OR1B1: variants seen among roughly 807,000 people sequenced by gnomAD.
The protein encoded by OR1B1 is olfactory receptor 1B1.
For missense variants in OR1B1, 414 were observed against 402.1 expected (o/e 1.03, Z -0.25); for synonymous variants, 168 against 156.2 (o/e 1.08, Z -0.57).
chr9:122,640,645 C>A, the OR1B1 span, among the ~76,000 whole-genome samples: 1 of 152,156 alleles, frequency 6.6e-6, no homozygotes, highest in Non-Finnish European at 1.5e-5. Flanking sequence ...AGACTGTTTT[C>A]TCACAAAGCA....
At chr9:122,628,915 AAAG>A in exon 1 of OR1B1, 1 of 1,614,152 alleles carries the variant, frequency 6.2e-7, no homozygotes, top group Non-Finnish European at 8.5e-7. Flanking sequence ...AGCCACCCTC[AAAG>A]AATATGGCCA....
chr9:122,653,232 G>C, the OR1B1 span, among the ~76,000 whole-genome samples: 1 of 152,180 alleles, frequency 6.6e-6, no homozygotes, highest in South Asian at 2.1e-4. Context: ...CAGACACCAT[G>C]CTACGTATTA....
chr9:122,628,846 A>T, exon 1 of OR1B1: 1 of 1,614,142 alleles, frequency 6.2e-7, no homozygotes, highest in Non-Finnish European at 8.5e-7. Flanking sequence ...AACGTAGAAT[A>T]GCGGCCCCAA....
the OR1B1 span, among the ~76,000 whole-genome samples, chr9:122,653,131 T>C: frequency 2.0e-5 from 3 of 152,204 alleles, no homozygotes; most frequent in African/African-American, 4.8e-5. Context: ...TCCTTGGAGA[T>C]AGAAAAGGCT....
chr9:122,654,406 C>A, the OR1B1 span, among the ~76,000 whole-genome samples: 1 of 152,202 alleles, frequency 6.6e-6, no homozygotes, highest in African/African-American at 2.4e-5. Flanking sequence ...TTCGTGGGAA[C>A]TCAGTGCTCT....
chr9:122,632,774 A>G (rs1192146276), upstream of OR1B1, among the ~76,000 whole-genome samples: 3 of 152,176 alleles, frequency 2.0e-5, no homozygotes, highest in East Asian at 5.8e-4. Context: ...GATAATATGA[A>G]GGGGGTTTGT....
chr9:122,629,472 C>T (rs144372610), exon 1 of OR1B1: 2 of 1,601,048 alleles, frequency 1.2e-6, no homozygotes, highest in Non-Finnish European at 1.7e-6. Flanking sequence ...GAGATGTTAG[C>T]TCTCGAGAAC....
At chr9:122,633,423 A>G (rs1272989580), upstream of OR1B1, among the ~76,000 whole-genome samples, 4 of 152,194 alleles carry the variant, frequency 2.6e-5, no homozygotes, top group African/African-American at 7.2e-5. Context: ...CCAAATGCTC[A>G]GGCAACAAAA....
the OR1B1 span, among the ~76,000 whole-genome samples, chr9:122,635,821 G>A: frequency 1.3e-5 from 2 of 152,132 alleles, no homozygotes; most frequent in African/African-American, 2.4e-5. Context: ...TAGACACTAT[G>A]TTAGGGAAAC....
downstream of OR1B1, chr9:122,628,463 C>G (rs577669352): frequency 1.5e-6 from 1 of 688,466 alleles, no homozygotes; most frequent in African/African-American, 1.8e-5. Context: ...AGAGCCAAAT[C>G]TGGAGTTCCT....
At chr9:122,635,055 C>T in the OR1B1 span, among the ~76,000 whole-genome samples, 2 of 152,174 alleles carry the variant, frequency 1.3e-5, no homozygotes, top group Non-Finnish European at 2.9e-5. Flanking sequence ...AATAAATCAG[C>T]ACCTCATAGA....
At chr9:122,647,389 G>A in the OR1B1 span, among the ~76,000 whole-genome samples, 3 of 152,102 alleles carry the variant, frequency 2.0e-5, no homozygotes, top group Non-Finnish European at 4.4e-5. Context: ...AAACCTATGG[G>A]ATACAGTGAA....
At chr9:122,648,419 A>G in the OR1B1 span, among the ~76,000 whole-genome samples, 1 of 152,236 alleles carries the variant, frequency 6.6e-6, no homozygotes, top group Non-Finnish European at 1.5e-5. Flanking sequence ...CAAAATAATA[A>G]GAGCTATTTA....
exon 1 of OR1B1, chr9:122,629,126 A>C: frequency 1.9e-6 from 3 of 1,614,074 alleles, no homozygotes; most frequent in Non-Finnish European, 2.5e-6. Flanking sequence ...GTGATTCATT[A>C]CCAAAGCATA....
At chr9:122,645,843 C>G in the OR1B1 span, among the ~76,000 whole-genome samples, 3 of 152,126 alleles carry the variant, frequency 2.0e-5, no homozygotes, top group African/African-American at 7.2e-5. Context: ...GAGAAGGAAT[C>G]ATCTGAAGGT....
upstream of OR1B1, among the ~76,000 whole-genome samples, chr9:122,634,345 A>AAG (rs1472852170): frequency 4.4e-4 from 67 of 151,946 alleles, 1 homozygote; most frequent in African/African-American, 1.6e-3. Context: ...CAAAAAAAAA[A>AAG]AAAAGAAAAG....
chr9:122,633,670 C>G (rs1179942653), upstream of OR1B1, among the ~76,000 whole-genome samples: 1 of 152,140 alleles, frequency 6.6e-6, no homozygotes, highest in African/African-American at 2.4e-5. Context: ...TGGCTCATGC[C>G]TGTAATCCCA....
the OR1B1 span, among the ~76,000 whole-genome samples, chr9:122,645,425 G>C: frequency 2.0e-5 from 3 of 151,958 alleles, no homozygotes; most frequent in African/African-American, 4.8e-5. Flanking sequence ...CAACATTCAA[G>C]TACAAGAAGG....
At chr9:122,649,829 A>G in the OR1B1 span, among the ~76,000 whole-genome samples, 9 of 152,356 alleles carry the variant, frequency 5.9e-5, no homozygotes, top group African/African-American at 2.2e-4. Context: ...ACCATTGTGG[A>G]AGACAGTGTG....
Sources: gnomAD v4.1 joint callset for allele counts (sites outside exome capture counted in the v4.1 genomes callset) on GRCh38, gnomAD v4.1.1 for gene constraint, MANE v1.5 for transcripts, NCBI Gene and HGNC (gene_info 2026-07-23, HGNC 2026-07-21) for gene names.